The following RGS6 variants were observed in gnomAD, a reference collection of about 807,000 sequenced individuals.
RGS6 encodes regulator of G-protein signaling 6.
RGS6 carries 30 observed loss-of-function variants against 78.5 expected under a neutral mutation model. That is an observed-to-expected ratio of 0.38 (90% CI 0.29 to 0.52). The LOEUF (loss-of-function observed/expected upper bound fraction) is 0.52, where lower values mean the gene tolerates loss of function less well. Among genes scored for constraint, RGS6 ranks in the 20% least tolerant of loss-of-function variants. RGS6 has a pLI of 0.85. For synonymous variants in RGS6, 206 were observed against 206.0 expected, an observed-to-expected ratio of 1.00 and a Z score of 0.00; for missense variants, 495 against 609.7, an observed-to-expected ratio of 0.81 and a Z score of 1.98.
chr14:72,414,357 C>A (rs535796696), intron 3 of RGS6, among the ~76,000 whole-genome samples: 14 of 152,200 alleles, frequency 9.2e-5, no homozygotes, highest in Non-Finnish European at 1.6e-4. Flanking sequence ...TTGATCACAT[C>A]GACTACTGAG....
chr14:71,920,559 A>T, the RGS6 span, among the ~76,000 whole-genome samples: 6,250 of 152,310 alleles, frequency 0.041, 393 homozygotes, highest in African/African-American at 0.14. Context: ...AATAGAAATT[A>T]AAAAAACACT....
intron 1 of RGS6, among the ~76,000 whole-genome samples, chr14:71,953,746 T>C (rs1274009356): frequency 6.6e-6 from 1 of 152,170 alleles, no homozygotes; most frequent in Non-Finnish European, 1.5e-5. Context: ...ATACAATATG[T>C]TGTTTTTACC....
intron 2 of RGS6, among the ~76,000 whole-genome samples, chr14:72,152,271 T>TGC (rs1567323016): frequency 2.1e-4 from 32 of 149,528 alleles, no homozygotes; most frequent in African/African-American, 7.5e-4. Flanking sequence ...TGTGTGTGTG[T>TGC]GTGCGCATGC....
At chr14:72,360,701 G>A (rs939149290) in intron 3 of RGS6, among the ~76,000 whole-genome samples, 1 of 152,146 alleles carries the variant, frequency 6.6e-6, no homozygotes. Flanking sequence ...TTCAAGGAGA[G>A]ATCATAAGTT....
chr14:72,425,138 G>A (rs1447190840), intron 3 of RGS6, among the ~76,000 whole-genome samples: 1 of 152,160 alleles, frequency 6.6e-6, no homozygotes, highest in African/African-American at 2.4e-5. Flanking sequence ...TGGATTGGAA[G>A]GGGAAAATCT....
intron 17 of RGS6, among the ~76,000 whole-genome samples, chr14:72,543,277 C>T (rs2097350408): frequency 6.6e-6 from 1 of 152,220 alleles, no homozygotes; most frequent in Non-Finnish European, 1.5e-5. Context: ...GGCTGGGTTT[C>T]AGCCCCTATT....
At chr14:72,188,266 A>C (rs2097274859) in intron 2 of RGS6, among the ~76,000 whole-genome samples, 1 of 152,070 alleles carries the variant, frequency 6.6e-6, no homozygotes, top group Admixed American at 6.6e-5. Flanking sequence ...AAAGTTATGT[A>C]TTTATCAGTT....
intron 2 of RGS6, among the ~76,000 whole-genome samples, chr14:71,980,513 A>T: frequency 1.2e-5 from 1 of 80,804 alleles, no homozygotes; most frequent in African/African-American, 4.6e-5. Flanking sequence ...TTTCTCCTTC[A>T]CTTATGAAGC....
At chr14:72,123,142 T>C (rs1426110948) in intron 2 of RGS6, among the ~76,000 whole-genome samples, 1 of 152,164 alleles carries the variant, frequency 6.6e-6, no homozygotes, top group African/African-American at 2.4e-5. Flanking sequence ...AATTTTGTAT[T>C]TTTTAGTAGA....
chr14:72,481,399 G>T (rs745366829), intron 12 of RGS6, among the ~76,000 whole-genome samples: 6 of 152,300 alleles, frequency 3.9e-5, no homozygotes, highest in African/African-American at 1.2e-4. Context: ...GGCTGCTAAT[G>T]CAATTCTTTC....
intron 2 of RGS6, among the ~76,000 whole-genome samples, chr14:72,026,393 A>T (rs1279734460): frequency 1.8e-4 from 28 of 152,106 alleles, no homozygotes; most frequent in Non-Finnish European, 3.4e-4. Context: ...GGTGACAGAC[A>T]GAGACTCCAT....
chr14:72,384,230 A>T (rs113625957), intron 3 of RGS6, among the ~76,000 whole-genome samples: 3 of 152,210 alleles, frequency 2.0e-5, no homozygotes, highest in Non-Finnish European at 2.9e-5. Flanking sequence ...AGTTATTTCA[A>T]TGTTGTCACT....
chr14:72,613,026 GTGTGTA>G, the RGS6 span, among the ~76,000 whole-genome samples: 18 of 137,574 alleles, frequency 1.3e-4, no homozygotes, highest in African/African-American at 3.8e-4. Flanking sequence ...GTGTGTGTGT[GTGTGTA>G]TGTGCGTGCG....
intron 2 of RGS6, among the ~76,000 whole-genome samples, chr14:71,983,620 C>T (rs2094556367): frequency 6.6e-6 from 1 of 152,312 alleles, no homozygotes; most frequent in East Asian, 1.9e-4. Context: ...GCAGCAGCAT[C>T]ACCCTGGTCT....
chr14:72,315,011 C>G (rs1054697917), intron 2 of RGS6, among the ~76,000 whole-genome samples: 2 of 152,210 alleles, frequency 1.3e-5, no homozygotes, highest in Admixed American at 1.3e-4. Context: ...ATCCTTCCCC[C>G]ACTCTGCTGC....
At chr14:72,561,812 T>C (rs1291364438) in intron 17 of RGS6, among the ~76,000 whole-genome samples, 1 of 152,074 alleles carries the variant, frequency 6.6e-6, no homozygotes, top group African/African-American at 2.4e-5. Context: ...ACAGCAGGAG[T>C]GCACTGCCCT....
intron 2 of RGS6, among the ~76,000 whole-genome samples, chr14:71,978,180 T>C (rs2094244872): frequency 1.5e-5 from 2 of 136,378 alleles, no homozygotes; most frequent in African/African-American, 5.1e-5. Context: ...AATGGGGTTT[T>C]CTAGATATAC....
chr14:72,238,099 A>G (rs975332387), intron 2 of RGS6, among the ~76,000 whole-genome samples: 7 of 152,226 alleles, frequency 4.6e-5, no homozygotes, highest in African/African-American at 1.7e-4. Context: ...GTGCGGGAAG[A>G]AGGTGCTCTA....
intron 1 of RGS6, among the ~76,000 whole-genome samples, chr14:71,953,188 G>T (rs2092488291): frequency 6.6e-6 from 1 of 152,136 alleles, no homozygotes; most frequent in Non-Finnish European, 1.5e-5. Flanking sequence ...AACCAGGAGG[G>T]TGGCATTAGA....
Sources: allele counts gnomAD v4.1 joint callset (sites outside exome capture counted in the v4.1 genomes callset), GRCh38; gene constraint gnomAD v4.1.1; transcripts MANE v1.5; gene names NCBI Gene and HGNC (gene_info 2026-07-23, HGNC 2026-07-21).